The following ZNF423 variants were observed in gnomAD, a reference collection of about 807,000 sequenced individuals.
The protein encoded by ZNF423 is zinc finger protein 423.
In ZNF423, 12 loss-of-function variants were observed where a neutral mutation model predicts 95.8. That is an observed-to-expected ratio of 0.13 (90% CI 0.08 to 0.20). The LOEUF is 0.20. Among genes scored for constraint, ZNF423 ranks in the 10% least tolerant of loss-of-function variants. The pLI, the probability that ZNF423 is intolerant of heterozygous loss-of-function variation, is 1.00. For missense variants in ZNF423, 1,316 were observed against 1,737.1 expected, an observed-to-expected ratio of 0.76 and a Z score of 4.31; for synonymous variants, 749 against 711.9, an observed-to-expected ratio of 1.05 and a Z score of -0.83.
At chr16:49,827,943 G>T (rs554173143) in intron 1 of ZNF423, among the ~76,000 whole-genome samples, 6 of 152,282 alleles carry the variant, frequency 3.9e-5, no homozygotes, top group African/African-American at 1.4e-4. Flanking sequence ...TATTAAAGCA[G>T]CCCCAAGAAT....
intron 7 of ZNF423, among the ~76,000 whole-genome samples, chr16:49,499,283 C>T (rs1243743267): frequency 5.3e-5 from 8 of 152,222 alleles, no homozygotes; most frequent in Admixed American, 4.6e-4. Context: ...CCCTGCCTGC[C>T]AGACAGTGAG....
chr16:49,843,191 A>G (rs2160565), intron 1 of ZNF423, among the ~76,000 whole-genome samples: 29,328 of 152,174 alleles, frequency 0.19, 3,139 homozygotes, highest in Middle Eastern at 0.29. Context: ...CACTCAAACA[A>G]GAACACAAAG....
intron 7 of ZNF423, among the ~76,000 whole-genome samples, chr16:49,500,008 CTGTT>C (rs1422404466): frequency 6.6e-6 from 1 of 152,176 alleles, no homozygotes; most frequent in Non-Finnish European, 1.5e-5. Context: ...CCCCGTCAGT[CTGTT>C]TGTGAGCAGA....
intron 5 of ZNF423, among the ~76,000 whole-genome samples, chr16:49,584,664 C>A (rs1970769318): frequency 6.6e-6 from 1 of 152,096 alleles, no homozygotes; most frequent in Non-Finnish European, 1.5e-5. Context: ...AGGTGGCCAC[C>A]CCCTCGCTGT....
chr16:49,589,688 T>C (rs908516199), intron 5 of ZNF423, among the ~76,000 whole-genome samples: 1 of 151,978 alleles, frequency 6.6e-6, no homozygotes, highest in Non-Finnish European at 1.5e-5. Context: ...ATAATTTAAA[T>C]GAAAAAATAT....
intron 5 of ZNF423, among the ~76,000 whole-genome samples, chr16:49,570,729 A>T (rs965028302): frequency 2.0e-5 from 3 of 152,258 alleles, no homozygotes; most frequent in African/African-American, 7.2e-5. Context: ...GTTCTGGAAG[A>T]TGTTTCCAGA....
At chr16:49,837,152 T>A (rs1430123040) in intron 1 of ZNF423, among the ~76,000 whole-genome samples, 1 of 151,944 alleles carries the variant, frequency 6.6e-6, no homozygotes, top group Non-Finnish European at 1.5e-5. Flanking sequence ...TCCCTCCACC[T>A]CCCACCCCAG....
intron 5 of ZNF423, among the ~76,000 whole-genome samples, chr16:49,564,624 C>T (rs1231426893): frequency 3.3e-5 from 5 of 152,214 alleles, no homozygotes; most frequent in Non-Finnish European, 5.9e-5. Flanking sequence ...TGCAGCTCCC[C>T]AGATCCAAGA....
At chr16:49,518,105 A>C in intron 7 of ZNF423, 1 of 429,926 alleles carries the variant, frequency 2.3e-6, no homozygotes, top group Non-Finnish European at 4.6e-6. Flanking sequence ...GTTCATTGCA[A>C]GCCCTATTCT....
chr16:49,689,499 TG>T (rs1005366024), intron 3 of ZNF423, among the ~76,000 whole-genome samples: 215 of 152,262 alleles, frequency 1.4e-3, no homozygotes, highest in African/African-American at 4.9e-3. Flanking sequence ...AAAGATATGC[TG>T]CTTTCCTGAA....
chr16:49,715,618 A>C (rs2032682216), intron 3 of ZNF423, among the ~76,000 whole-genome samples: 1 of 151,894 alleles, frequency 6.6e-6, no homozygotes, highest in Admixed American at 6.6e-5. Flanking sequence ...GGTGGTGTGC[A>C]CCCATAGTCC....
At chr16:49,614,904 G>GTGTA (rs1185812832) in intron 5 of ZNF423, among the ~76,000 whole-genome samples, 1 of 152,204 alleles carries the variant, frequency 6.6e-6, no homozygotes, top group East Asian at 1.9e-4. Context: ...GCTCTGGCGG[G>GTGTA]TGTATCACCT....
chr16:49,851,798 G>T (rs558757769), intron 1 of ZNF423, among the ~76,000 whole-genome samples: 6 of 152,342 alleles, frequency 3.9e-5, no homozygotes, highest in African/African-American at 9.6e-5. Context: ...GGAAACAGGT[G>T]TAAGAATCTA....
rs1177621384 is a variant in ZNF423, at chr16:49,492,798, G to A, written c.3850-1494C>T. On this transcript the variant is annotated intron_variant, in intron 7 of 7. Transcript: ENST00000563137. The surrounding 1 kb of genome is among the most constrained non-coding windows in gnomAD (Gnocchi z 4.2). ...AGCCTTGCGAGGTGGGACTTCTTAA[G>A]ATGAAGACACCGAGGCCTAGGAAGG... is the stretch of plus-strand genomic sequence containing the variant. 6.6e-6 allele frequency among the ~76,000 whole-genome samples: 1 copy of A among 152,186 alleles called. No individual in the cohort carries two copies. Among genetic ancestry groups the A allele is most frequent in the Non-Finnish European group, 1.5e-5 (1 of 68,020 alleles).
chr16:49,499,560 A>C (rs1403267168), intron 7 of ZNF423, among the ~76,000 whole-genome samples: 4 of 151,820 alleles, frequency 2.6e-5, no homozygotes, highest in Non-Finnish European at 5.9e-5. Context: ...TCTGACCCAG[A>C]CTCCTTTTAT....
At chr16:49,738,881 T>C (rs1245428309) in intron 2 of ZNF423, among the ~76,000 whole-genome samples, 1 of 152,096 alleles carries the variant, frequency 6.6e-6, no homozygotes, top group East Asian at 1.9e-4. Context: ...ATCCAGGGGT[T>C]ACCAGAGAAC....
At chr16:49,858,717 G>GCCCCCCCCCCCCCC, upstream of ZNF423, among the ~76,000 whole-genome samples, 1 of 132,884 alleles carries the variant, frequency 7.5e-6, no homozygotes, top group Admixed American at 7.2e-5. This position sits in a 1 kb window ranked among gnomAD's most constrained non-coding sequence, Gnocchi z 4.3. Flanking sequence ...GGGAATAGGA[G>GCCCCCCCCCCCCCC]CCCCCCCCCC....
At chr16:49,563,548 A>C (rs1970086155) in intron 5 of ZNF423, among the ~76,000 whole-genome samples, 1 of 152,228 alleles carries the variant, frequency 6.6e-6, no homozygotes, top group African/African-American at 2.4e-5. Flanking sequence ...AGATGCTGTC[A>C]TTATCTTGAT....
chr16:49,585,212 C>A (rs1229027276), intron 5 of ZNF423, among the ~76,000 whole-genome samples: 1 of 152,198 alleles, frequency 6.6e-6, no homozygotes, highest in African/African-American at 2.4e-5. Flanking sequence ...GATTGGAAGA[C>A]CTTGCAGAAG....
Sources: allele counts gnomAD v4.1 joint callset (sites outside exome capture counted in the v4.1 genomes callset), GRCh38; gene constraint gnomAD v4.1.1; non-coding constraint Gnocchi (gnomAD v3.1); transcripts MANE v1.5; gene names NCBI Gene and HGNC (gene_info 2026-07-23, HGNC 2026-07-21).